The following MYO5A variants were observed in gnomAD, a reference collection of about 807,000 sequenced individuals.
The protein encoded by MYO5A is unconventional myosin-Va.
A neutral mutation model predicts 249.7 loss-of-function variants in MYO5A; 98 were observed. That is an observed-to-expected ratio of 0.39 (90% confidence interval 0.33 to 0.46). The LOEUF (loss-of-function observed/expected upper bound fraction) is 0.46, where lower values mean the gene tolerates loss of function less well. MYO5A is among the 20% of genes least tolerant of loss of function. The pLI is 0.98. For missense variants in MYO5A, 1,696 were observed against 2,308.8 expected, an observed-to-expected ratio of 0.73 and a Z score of 5.44; for synonymous variants, 778 against 810.6, an observed-to-expected ratio of 0.96 and a Z score of 0.68.
At chr15:52,409,795 A>C (rs1253021736) in intron 6 of MYO5A, among the ~76,000 whole-genome samples, 3 of 152,154 alleles carry the variant, frequency 2.0e-5, no homozygotes, top group Admixed American at 6.6e-5. Context: ...TACCAATCAA[A>C]AGGGACCAAG....
chr15:52,338,627 G>A (rs2039235263), intron 32 of MYO5A, among the ~76,000 whole-genome samples: 1 of 152,182 alleles, frequency 6.6e-6, no homozygotes, highest in Admixed American at 6.5e-5. Flanking sequence ...TCAGTGTGAT[G>A]GCAGGAGAAG....
Position 52,349,659 on chromosome 15 carries a change from C to T in MYO5A, c.3850-833G>A, listed in dbSNP as rs555001728. On this transcript the variant is annotated intron_variant, in intron 28 of 41. Coordinates refer to ENST00000399233, the MANE Select transcript of MYO5A (RefSeq NM_001382347.1). ...ACTAAAATTTCTTGTGAGATTACCA[C>T]ATTGCAACCCCATAAATATATACAA... 2.0e-5 allele frequency among the ~76,000 whole-genome samples: 3 copies of T among 152,330 alleles called. No individual in the cohort carries two copies. The East Asian group carries it at 5.8e-4, about 29-fold the overall frequency.
At chr15:52,526,659 C>G (rs1005128632) in intron 1 of MYO5A, among the ~76,000 whole-genome samples, 3 of 152,122 alleles carry the variant, frequency 2.0e-5, no homozygotes, top group African/African-American at 7.2e-5. Context: ...CCCAGCCTAA[C>G]TTTTTAATTT....
chr15:52,505,468 G>T, intron 1 of MYO5A: 2 of 1,021,674 alleles, frequency 2.0e-6, no homozygotes, highest in South Asian at 1.3e-5. Flanking sequence ...TGGAGCTACA[G>T]ATAGTAAAGA....
Position 52,313,731 on chromosome 15 carries a change from C to A in MYO5A, c.5608G>T (p.Ala1870Ser). 1 of 1,614,106 alleles carries A rather than the reference C, an allele frequency of 6.2e-7. No individual in the cohort carries two copies. The highest frequency in any genetic ancestry group is 8.5e-7 in the Non-Finnish European group (1 of 1,180,036). ...SLALETIQIP[A>S]SLGLGFISRV is the part of the protein sequence containing the mutation. ...GAAATGAAGCCCAGGCCGAGGCTGG[C>A]TGGAATCTGGATGGTTTCTAGTGCG... Residue 1870 changes from alanine to serine, a missense_variant, in exon 42 of 42, where the codon GCC becomes TCC. This residue lies in a region of MYO5A where 625 missense variants were observed against 908.1 expected (regional missense o/e 0.69). Transcript: ENST00000399233.
chr15:52,464,242 T>C (rs1028774066), intron 1 of MYO5A, among the ~76,000 whole-genome samples: 1 of 152,204 alleles, frequency 6.6e-6, no homozygotes, highest in Non-Finnish European at 1.5e-5. Flanking sequence ...TACTCTACGA[T>C]GTACTATGTG....
intron 1 of MYO5A, among the ~76,000 whole-genome samples, chr15:52,453,331 C>G (rs55856498): frequency 0.15 from 22,717 of 152,000 alleles, 1,815 homozygotes; most frequent in Middle Eastern, 0.22. Flanking sequence ...CCATATCCAA[C>G]AAAGCTATCC....
chr15:52,327,393 T>A (rs1438211559), intron 36 of MYO5A, among the ~76,000 whole-genome samples: 1 of 152,210 alleles, frequency 6.6e-6, no homozygotes, highest in African/African-American at 2.4e-5. Context: ...GAAGAATGTT[T>A]CTTCCAGTGG....
intron 1 of MYO5A, among the ~76,000 whole-genome samples, chr15:52,490,974 G>C (rs1194703759): frequency 6.6e-6 from 1 of 152,076 alleles, no homozygotes; most frequent in Non-Finnish European, 1.5e-5. Flanking sequence ...TCCTGCCCCA[G>C]CCTCTCAAAG....
At chr15:52,414,695 T>C (rs1313934441) in intron 5 of MYO5A, among the ~76,000 whole-genome samples, 4 of 152,102 alleles carry the variant, frequency 2.6e-5, no homozygotes, top group South Asian at 2.1e-4. Context: ...TACCAAGAAT[T>C]TGTCATGACC....
chr15:52,434,953 G>T (rs981386518), intron 1 of MYO5A, among the ~76,000 whole-genome samples: 4 of 152,116 alleles, frequency 2.6e-5, no homozygotes, highest in Non-Finnish European at 4.4e-5. Flanking sequence ...CAATAATCAG[G>T]GTACTAATTT....
chr15:52,455,237 A>T (rs1254522768), intron 1 of MYO5A, among the ~76,000 whole-genome samples: 3 of 152,088 alleles, frequency 2.0e-5, no homozygotes, highest in African/African-American at 7.2e-5. Context: ...TCCTGGACAC[A>T]TACAACCTAC....
At chr15:52,518,139 C>G (rs1319374611) in intron 1 of MYO5A, among the ~76,000 whole-genome samples, 2 of 151,694 alleles carry the variant, frequency 1.3e-5, no homozygotes, top group African/African-American at 4.8e-5. Context: ...CAAGAGATAT[C>G]TAGCAATGTC....
chr15:52,337,886 T>C lies in MYO5A; in HGVS notation c.4240-2A>G. ...ATCTGCATATAATTCCTCAAAATAC[T>C]GAAAAAACAGGCACAATGGATATTT... On this transcript the variant is annotated splice_acceptor_variant, in intron 32 of 41. Coordinates refer to ENST00000399233, the MANE Select transcript of MYO5A (RefSeq NM_001382347.1). LOFTEE classifies it high-confidence loss of function. 6.5e-7 allele frequency: 1 copy of C among 1,534,992 alleles called. No homozygotes were observed. The highest frequency in any genetic ancestry group is 8.8e-7 in the Non-Finnish European group (1 of 1,136,308).
At chr15:52,365,268 G>A (rs977555377) in intron 23 of MYO5A, among the ~76,000 whole-genome samples, 73 of 152,138 alleles carry the variant, frequency 4.8e-4, no homozygotes, top group African/African-American at 1.7e-3. Context: ...CAGATAAAAT[G>A]CTCGGGCCTG....
intron 1 of MYO5A, among the ~76,000 whole-genome samples, chr15:52,445,409 C>A (rs1471274900): frequency 6.6e-6 from 1 of 152,040 alleles, no homozygotes; most frequent in Middle Eastern, 3.2e-3. Flanking sequence ...CCAATTAAAC[C>A]CCTTTTCTTA....
At chr15:52,376,086 G>A (rs993520989) in intron 19 of MYO5A, among the ~76,000 whole-genome samples, 2 of 152,106 alleles carry the variant, frequency 1.3e-5, no homozygotes, top group African/African-American at 4.8e-5. Flanking sequence ...ATTTCCTCAA[G>A]CCCAATATAA....
intron 31 of MYO5A, among the ~76,000 whole-genome samples, chr15:52,342,494 A>C (rs2039425416): frequency 2.0e-5 from 3 of 152,242 alleles, no homozygotes; most frequent in Non-Finnish European, 1.5e-5. Flanking sequence ...CCTAATTGAA[A>C]GATTATGTTT....
At chr15:52,452,660 C>G (rs2076043594) in intron 1 of MYO5A, among the ~76,000 whole-genome samples, 1 of 151,626 alleles carries the variant, frequency 6.6e-6, no homozygotes, top group South Asian at 2.1e-4. Context: ...CCTTTGGGAC[C>G]ATCCTCATTC....
Sources: gnomAD v4.1 joint callset for allele counts (sites outside exome capture counted in the v4.1 genomes callset) on GRCh38, gnomAD v4.1.1 for gene constraint, gnomAD v4.1.1 regional missense constraint, MANE v1.5 for transcripts, NCBI Gene and HGNC (gene_info 2026-07-23, HGNC 2026-07-21) for gene names.